CSMD1: variants seen among roughly 807,000 people sequenced by gnomAD.
CSMD1 encodes CUB and sushi domain-containing protein 1.
Under a neutral mutation model 417.5 loss-of-function variants are expected in CSMD1, and 213 were observed. That is an observed-to-expected ratio of 0.51 (90% CI 0.46 to 0.57). The LOEUF is 0.57. CSMD1 is among the 20% of genes least tolerant of loss of function. CSMD1 has a pLI of 0.00. For synonymous variants in CSMD1, 2,862 were observed against 1,736.8 expected, an observed-to-expected ratio of 1.65 and a Z score of -16.11; for missense variants, 6,923 against 4,529.7, an observed-to-expected ratio of 1.53 and a Z score of -15.17.
chr8:3,081,726 GTCTT>G lies in CSMD1; in HGVS notation c.7474+5367_7474+5370del, dbSNP rs544599606. On this transcript the variant is annotated intron_variant, in intron 49 of 69. Transcript: ENST00000635120. ...AGTTTGAAATTTATTACAGCAGATA[GTCTT>G]TCTTTAATTACAATTTTATTCATTT... 5.9e-5 allele frequency among the ~76,000 whole-genome samples: 9 copies of G among 152,270 alleles called. No homozygotes were observed. In the South Asian group the frequency reaches 1.2e-3, roughly 21 times the overall value.
chr8:4,801,639 T>G (rs1413938322), intron 1 of CSMD1, among the ~76,000 whole-genome samples: 1 of 151,822 alleles, frequency 6.6e-6, no homozygotes, highest in Non-Finnish European at 1.5e-5. Flanking sequence ...TCTGAAACCA[T>G]CTTTATCTAC....
chr8:4,959,989 G>C (rs189211276), intron 1 of CSMD1, among the ~76,000 whole-genome samples: 5 of 152,162 alleles, frequency 3.3e-5, no homozygotes, highest in East Asian at 1.9e-4. Context: ...CTGACTTATG[G>C]TTTCTCTTTG....
intron 10 of CSMD1, among the ~76,000 whole-genome samples, chr8:3,568,806 T>C (rs137872374): frequency 1.6e-4 from 25 of 152,206 alleles, no homozygotes; most frequent in African/African-American, 5.1e-4. Context: ...TTCCATGATA[T>C]ATTTAATCTT....
chr8:4,644,463 G>A (rs1295666647), intron 1 of CSMD1, among the ~76,000 whole-genome samples: 1 of 152,082 alleles, frequency 6.6e-6, no homozygotes, highest in African/African-American at 2.4e-5. Flanking sequence ...CTAGAGTGCA[G>A]CGGCGCTATC....
rs572533324 is a variant in CSMD1 at position 4,088,230 on chromosome 8, C to G, written c.416-56131G>C. Among the ~76,000 whole-genome samples, 11 of 152,286 alleles carry G rather than the reference C, an allele frequency of 7.2e-5. No individual in the cohort carries two copies. In the South Asian group the frequency reaches 2.3e-3, roughly 32 times the overall value. ...AGATGACTGATCTCTGCCTTCCTGG[C>G]TCTCAGAAGCTGAGAAGTAGATTTG... On this transcript the variant is annotated intron_variant, in intron 3 of 69. Transcript: ENST00000635120.
At chr8:4,411,989 G>GGTGTGTGT (rs60793651) in intron 3 of CSMD1, among the ~76,000 whole-genome samples, 4,151 of 149,018 alleles carry the variant, frequency 0.028, 76 homozygotes, top group Middle Eastern at 0.059. Context: ...CATAGCTAAG[G>GGTGTGTGT]GTGTGTGTGT....
chr8:4,687,857 A>T (rs1806492141), intron 1 of CSMD1, among the ~76,000 whole-genome samples: 2 of 151,612 alleles, frequency 1.3e-5, no homozygotes, highest in Non-Finnish European at 3.0e-5. Flanking sequence ...ACACACACAC[A>T]CACACTCATC....
intron 3 of CSMD1, among the ~76,000 whole-genome samples, chr8:4,202,402 T>A (rs1273831518): frequency 2.6e-5 from 4 of 152,138 alleles, no homozygotes; most frequent in Non-Finnish European, 4.4e-5. Flanking sequence ...ATTCTTAAGC[T>A]TTTTCACAAG....
At chr8:4,460,612 A>T (rs541245353) in intron 2 of CSMD1, among the ~76,000 whole-genome samples, 20 of 150,302 alleles carry the variant, frequency 1.3e-4, no homozygotes, top group Non-Finnish European at 1.2e-4. Context: ...AAAATGGGGG[A>T]AAAAAAGGTA....
chr8:4,734,432 G>A (rs556104013), intron 1 of CSMD1, among the ~76,000 whole-genome samples: 45 of 152,132 alleles, frequency 3.0e-4, no homozygotes, highest in Non-Finnish European at 4.9e-4. Flanking sequence ...AAAAAAAGGT[G>A]AAAAGTTGAA....
intron 12 of CSMD1, among the ~76,000 whole-genome samples, chr8:3,447,736 A>T (rs973338899): frequency 5.3e-5 from 8 of 152,170 alleles, no homozygotes. Flanking sequence ...TGGACAGGTC[A>T]CTTGGAGTGG....
intron 6 of CSMD1, among the ~76,000 whole-genome samples, chr8:3,733,365 TATATAAA>T (rs1796366773): frequency 6.8e-6 from 1 of 147,908 alleles, no homozygotes; most frequent in Non-Finnish European, 1.5e-5. Context: ...ATATAATATA[TATATAAA>T]ATATAATATA....
At chr8:4,926,440 G>C (rs1304035070) in intron 1 of CSMD1, among the ~76,000 whole-genome samples, 2 of 152,066 alleles carry the variant, frequency 1.3e-5, no homozygotes, top group Admixed American at 6.5e-5. Flanking sequence ...CTTAATACTG[G>C]CGCTTGCATC....
intron 3 of CSMD1, among the ~76,000 whole-genome samples, chr8:4,328,818 T>G (rs1285149777): frequency 6.6e-6 from 1 of 152,180 alleles, no homozygotes; most frequent in Non-Finnish European, 1.5e-5. Context: ...AAAATAACAC[T>G]GTGGTTTTAG....
chr8:4,234,913 G>A (rs1447889714), intron 3 of CSMD1, among the ~76,000 whole-genome samples: 2 of 152,164 alleles, frequency 1.3e-5, no homozygotes. Flanking sequence ...AGACCTCTGT[G>A]TTGTCTGTTG....
intron 1 of CSMD1, among the ~76,000 whole-genome samples, chr8:4,902,423 T>A (rs1043613734): frequency 7.1e-6 from 1 of 141,222 alleles, no homozygotes; most frequent in Non-Finnish European, 1.6e-5. Flanking sequence ...AGAACCCATC[T>A]CTAAAGAGGA....
chr8:4,731,820 T>C (rs914171043), intron 1 of CSMD1, among the ~76,000 whole-genome samples: 16 of 152,200 alleles, frequency 1.1e-4, no homozygotes, highest in African/African-American at 3.4e-4. Flanking sequence ...CAACTCACAG[T>C]GTTTTTCTTA....
At chr8:3,957,366 G>A (rs1021923345) in intron 5 of CSMD1, among the ~76,000 whole-genome samples, 1 of 152,104 alleles carries the variant, frequency 6.6e-6, no homozygotes, top group Admixed American at 6.5e-5. Flanking sequence ...TAGGCACCAA[G>A]GCAGGTGTTA....
At chr8:4,633,485 G>C (rs1334015912) in intron 2 of CSMD1, among the ~76,000 whole-genome samples, 2 of 151,870 alleles carry the variant, frequency 1.3e-5, no homozygotes, top group African/African-American at 4.8e-5. Context: ...TACTGACCTC[G>C]TGATCCAACT....
Sources: allele counts gnomAD v4.1 joint callset (sites outside exome capture counted in the v4.1 genomes callset), GRCh38; gene constraint gnomAD v4.1.1; transcripts MANE v1.5; gene names NCBI Gene and HGNC (gene_info 2026-07-23, HGNC 2026-07-21).